Variants in EPB41L4A observed in about 807,000 individuals in gnomAD.
EPB41L4A encodes the protein band 4.1-like protein 4A.
A neutral mutation model predicts 108.6 loss-of-function variants in EPB41L4A; 100 were observed. That is an observed-to-expected ratio of 0.92 (90% CI 0.78 to 1.09). The LOEUF (loss-of-function observed/expected upper bound fraction) is 1.09. Ranked by LOEUF, EPB41L4A falls within the 50% of genes least tolerant of loss-of-function variation. EPB41L4A has a pLI of 0.00. For missense variants in EPB41L4A, 1,030 were observed against 842.7 expected (o/e 1.22, Z -2.75); for synonymous variants, 319 against 289.0 (o/e 1.10, Z -1.05).
chr5:112,153,230 A>G (rs1363022292), intron 12 of EPB41L4A, among the ~76,000 whole-genome samples: 1 of 149,894 alleles, frequency 6.7e-6, no homozygotes, highest in East Asian at 2.0e-4. Context: ...AAAATTTAAA[A>G]AAAAAGAAAA....
intron 1 of EPB41L4A, among the ~76,000 whole-genome samples, chr5:112,377,115 A>G (rs1030663759): frequency 5.9e-5 from 9 of 151,928 alleles, no homozygotes; most frequent in African/African-American, 2.2e-4. Context: ...TGAGATGAGA[A>G]GATCACTCAA....
At chr5:112,215,769 A>C (rs543469242) in intron 12 of EPB41L4A, among the ~76,000 whole-genome samples, 2,849 of 139,614 alleles carry the variant, frequency 0.02, 59 homozygotes, top group Middle Eastern at 0.038. Flanking sequence ...TCTCAAAAAA[A>C]AAAAAAAACA....
intron 2 of EPB41L4A, among the ~76,000 whole-genome samples, chr5:112,302,274 G>A (rs1420937391): frequency 6.6e-6 from 1 of 152,126 alleles, no homozygotes; most frequent in Non-Finnish European, 1.5e-5. Context: ...GGGAGGCTGA[G>A]GCAGGAGGAT....
At chr5:112,376,087 AAAGAC>A (rs1456256581) in intron 1 of EPB41L4A, among the ~76,000 whole-genome samples, 1 of 152,242 alleles carries the variant, frequency 6.6e-6, no homozygotes, top group Non-Finnish European at 1.5e-5. Flanking sequence ...AGAGGATTAA[AAAGAC>A]AAGCTACTCA....
intron 11 of EPB41L4A, among the ~76,000 whole-genome samples, chr5:112,238,689 C>G (rs988499637): frequency 6.6e-6 from 1 of 152,144 alleles, no homozygotes. Context: ...CATCTCCCCA[C>G]CCTGCTTGGG....
At chr5:112,232,208 C>A (rs1438238179) in intron 12 of EPB41L4A, among the ~76,000 whole-genome samples, 1 of 151,800 alleles carries the variant, frequency 6.6e-6, no homozygotes, top group Non-Finnish European at 1.5e-5. Context: ...ATTAGGGGGA[C>A]CAGCTTACAA....
chr5:112,418,457 C>A (rs929238792), intron 1 of EPB41L4A, among the ~76,000 whole-genome samples: 1 of 152,162 alleles, frequency 6.6e-6, no homozygotes, highest in African/African-American at 2.4e-5. Context: ...GTAGCATTAC[C>A]CAACTACGAA....
rs1758683450 is a variant in EPB41L4A at position 112,360,811 on chromosome 5, A to G, written c.100-53321T>C. ...GAAGAGCGTCTCTGCCCGGCCGCCC[A>G]TCTTCTGGGATGTGGGGAGCGCCTC... On this transcript the variant is annotated intron_variant, in intron 1 of 22. Transcript: ENST00000261486. 2.0e-5 allele frequency among the ~76,000 whole-genome samples: 3 copies of G among 149,516 alleles called. No individual in the cohort carries two copies. The South Asian group carries it at 6.4e-4, about 32-fold the overall frequency.
At chr5:112,302,254 C>T (rs943086698) in intron 2 of EPB41L4A, among the ~76,000 whole-genome samples, 1 of 152,024 alleles carries the variant, frequency 6.6e-6, no homozygotes, top group African/African-American at 2.4e-5. Context: ...ACCTATAATC[C>T]TAGCACTTTG....
intron 4 of EPB41L4A, among the ~76,000 whole-genome samples, chr5:112,272,315 A>G (rs969355994): frequency 6.6e-6 from 1 of 150,660 alleles, no homozygotes; most frequent in Non-Finnish European, 1.5e-5. Context: ...TGATTTTTGT[A>G]TTTTTTTAGT....
chr5:112,275,764 TA>T lies in EPB41L4A; in HGVS notation c.257-361del, dbSNP rs533065565. On this transcript the variant is annotated intron_variant, in intron 3 of 22. Coordinates refer to ENST00000261486, the MANE Select transcript of EPB41L4A (RefSeq NM_022140.5). ...AAAAACCACCCACCTATCATTTCAT[TA>T]AAAAAAAATAGTTTTTAAACCTATC... is the stretch of plus-strand genomic sequence containing the variant. Among the ~76,000 whole-genome samples the T allele has an allele frequency of 5.7e-3, 868 of 151,448 alleles. 3 individuals carry two copies. The highest frequency in any genetic ancestry group is 0.01 in the Middle Eastern group (3 of 292).
chr5:112,206,291 G>A (rs926620502), intron 13 of EPB41L4A, among the ~76,000 whole-genome samples: 3 of 151,580 alleles, frequency 2.0e-5, no homozygotes, highest in African/African-American at 7.3e-5. Context: ...CTGTATAACT[G>A]TCCTAGGATA....
rs868608063 is a variant in EPB41L4A at position 112,280,203 on chromosome 5, C to T, written c.256+69G>A. 7.3e-6 allele frequency: 10 copies of T among 1,374,550 alleles called. No individual in the cohort carries two copies. The Middle Eastern group carries it at 7.1e-4, about 98-fold the overall frequency. 85.1% of individuals were successfully genotyped at this position (1,374,550 alleles called of 1,614,324 possible). On this transcript the variant is annotated intron_variant, in intron 3 of 22. Transcript: ENST00000261486. ...TCCAGTACTAAAGCCCACTTCTGCACCCAACTAATCATGGACTTTGTCATC... is the reference window on the plus strand; with the variant it reads ...TCCAGTACTAAAGCCCACTTCTGCATCCAACTAATCATGGACTTTGTCATC...
chr5:112,201,677 C>A lies in EPB41L4A; in HGVS notation c.1376+2698G>T, dbSNP rs553617582. 6.2e-4 allele frequency among the ~76,000 whole-genome samples: 95 copies of A among 152,310 alleles called. 1 individual carries two copies. The highest frequency in any genetic ancestry group is 2.3e-3 in the African/African-American group (95 of 41,562). ...CCCTGCCACCTATGTCGCCTCAACA[C>A]ACAATACACACAAATGCACTTTAAA... On this transcript the variant is annotated intron_variant, in intron 15 of 22. Transcript: ENST00000261486.
At chr5:112,231,698 T>C (rs1340593968) in intron 12 of EPB41L4A, among the ~76,000 whole-genome samples, 1 of 139,112 alleles carries the variant, frequency 7.2e-6, no homozygotes, top group East Asian at 2.2e-4. Flanking sequence ...GGCAGGAGAA[T>C]GGCGTGAACC....
chr5:112,224,310 C>T (rs1748299334), intron 12 of EPB41L4A, among the ~76,000 whole-genome samples: 1 of 152,028 alleles, frequency 6.6e-6, no homozygotes, highest in Non-Finnish European at 1.5e-5. Flanking sequence ...CTGTGTATTT[C>T]CAATGGCAAA....
chr5:112,400,425 A>T (rs549281985), intron 1 of EPB41L4A, among the ~76,000 whole-genome samples: 52 of 152,252 alleles, frequency 3.4e-4, no homozygotes, highest in Middle Eastern at 3.4e-3. Context: ...ACAGTTCTAC[A>T]GGCAGTACAA....
intron 4 of EPB41L4A, among the ~76,000 whole-genome samples, chr5:112,274,687 G>T (rs1580586148): frequency 6.6e-6 from 1 of 152,310 alleles, no homozygotes; most frequent in East Asian, 1.9e-4. Context: ...TAGGTCACCA[G>T]CAGAATAAGT....
At chr5:112,181,279 G>C (rs1344899906) in intron 18 of EPB41L4A, among the ~76,000 whole-genome samples, 1 of 150,782 alleles carries the variant, frequency 6.6e-6, no homozygotes, top group African/African-American at 2.4e-5. Context: ...GTGAAACCCC[G>C]TCTCTACTAA....
Sources: allele counts gnomAD v4.1 joint callset (sites outside exome capture counted in the v4.1 genomes callset), GRCh38; gene constraint gnomAD v4.1.1; transcripts MANE v1.5; gene names NCBI Gene and HGNC (gene_info 2026-07-23, HGNC 2026-07-21).